SLC25A21: variants seen among roughly 807,000 people sequenced by gnomAD.
SLC25A21 encodes the protein mitochondrial 2-oxodicarboxylate carrier.
Under a neutral mutation model 43.8 loss-of-function variants are expected in SLC25A21, and 47 were observed. The observed-to-expected ratio is 1.07, with a 90% confidence interval of 0.85 to 1.37. SLC25A21 has a LOEUF of 1.37. Among genes scored for constraint, SLC25A21 ranks in the 40% most tolerant of loss-of-function variants. The pLI is 0.00. For missense variants in SLC25A21, 352 were observed against 350.2 expected (o/e 1.00, Z -0.04); for synonymous variants, 131 against 121.3 (o/e 1.08, Z -0.52).
intron 1 of SLC25A21, among the ~76,000 whole-genome samples, chr14:36,959,688 A>G (rs1367385872): frequency 6.6e-6 from 1 of 152,226 alleles, no homozygotes; most frequent in African/African-American, 2.4e-5. Context: ...TCCTGAATCT[A>G]GATTCCACAA....
In SLC25A21 at chr14:37,104,238, G is replaced by A. The variant is rs141327288; in HGVS notation, c.70+68043C>T. On this transcript the variant is annotated intron_variant, in intron 1 of 9. Transcript: ENST00000331299. ...GTGCCCTTATAACAGGGGCTCAAGGGAGCTTGTTCACCCCTTCCATGTGAG... is the reference window on the plus strand; with the variant it reads ...GTGCCCTTATAACAGGGGCTCAAGGAAGCTTGTTCACCCCTTCCATGTGAG... 3.1e-3 allele frequency among the ~76,000 whole-genome samples: 471 copies of A among 152,266 alleles called. 1 individual carries two copies. Among genetic ancestry groups the A allele is most frequent in the African/African-American group, 0.011 (438 of 41,552 alleles).
At chr14:36,755,406 C>G (rs2139267723) in intron 3 of SLC25A21, among the ~76,000 whole-genome samples, 1 of 152,324 alleles carries the variant, frequency 6.6e-6, no homozygotes, top group Middle Eastern at 3.4e-3. Flanking sequence ...TGTGCACACA[C>G]ATATACACAC....
chr14:36,735,921 C>T (rs538387485), intron 3 of SLC25A21, among the ~76,000 whole-genome samples: 1 of 135,348 alleles, frequency 7.4e-6, no homozygotes, highest in Admixed American at 7.7e-5. Flanking sequence ...TGGGCTTATT[C>T]TGGCCACAAT....
chr14:36,971,037 A>G (rs1959737489), intron 1 of SLC25A21, among the ~76,000 whole-genome samples: 1 of 152,214 alleles, frequency 6.6e-6, no homozygotes, highest in Non-Finnish European at 1.5e-5. Context: ...GGAGATAAAT[A>G]AGCAAATAAA....
At chr14:37,163,745 G>A (rs552220621) in intron 1 of SLC25A21, among the ~76,000 whole-genome samples, 1 of 152,220 alleles carries the variant, frequency 6.6e-6, no homozygotes, top group Admixed American at 6.5e-5. Context: ...TACAGGAAGA[G>A]AGAAGGAATA....
chr14:37,116,302 G>A (rs949916300), intron 1 of SLC25A21, among the ~76,000 whole-genome samples: 3 of 151,998 alleles, frequency 2.0e-5, no homozygotes, highest in African/African-American at 7.2e-5. Context: ...TCTTTCACTG[G>A]CCTCTTCTCA....
At chr14:36,739,081 A>C (rs1308698607) in intron 3 of SLC25A21, among the ~76,000 whole-genome samples, 1 of 152,214 alleles carries the variant, frequency 6.6e-6, no homozygotes, top group South Asian at 2.1e-4. Context: ...TTTTTAAAAC[A>C]ACTATTTTAA....
At chr14:36,888,742 T>G in intron 1 of SLC25A21, among the ~76,000 whole-genome samples, 1 of 152,152 alleles carries the variant, frequency 6.6e-6, no homozygotes, top group East Asian at 1.9e-4. Context: ...CAAATACACA[T>G]CATCTTACTA....
intron 1 of SLC25A21, among the ~76,000 whole-genome samples, chr14:36,938,015 AT>A (rs1177254267): frequency 5.9e-5 from 9 of 151,962 alleles, no homozygotes; most frequent in African/African-American, 9.7e-5. Context: ...TTAAAAAAAA[AT>A]TTTTTTTAAT....
At chr14:36,689,621 GAGTCC>G (rs1882709005) in intron 7 of SLC25A21, among the ~76,000 whole-genome samples, 1 of 152,134 alleles carries the variant, frequency 6.6e-6, no homozygotes, top group Non-Finnish European at 1.5e-5. Flanking sequence ...TCCTGCTCTG[GAGTCC>G]AGTTACTCAC....
chr14:36,840,225 A>G (rs1889343834), intron 2 of SLC25A21, among the ~76,000 whole-genome samples: 1 of 151,958 alleles, frequency 6.6e-6, no homozygotes. Flanking sequence ...TTTTTTAAAC[A>G]GTATTATTTT....
intron 1 of SLC25A21, among the ~76,000 whole-genome samples, chr14:36,918,731 T>A (rs985617899): frequency 5.9e-5 from 9 of 151,792 alleles, no homozygotes; most frequent in African/African-American, 1.9e-4. Context: ...ACTATAAAAA[T>A]AGAAAAAAAT....
intron 1 of SLC25A21, among the ~76,000 whole-genome samples, chr14:37,144,955 GTT>G (rs774616408): frequency 7.5e-6 from 1 of 133,078 alleles, no homozygotes; most frequent in African/African-American, 2.7e-5. Flanking sequence ...TGTTGTTGTT[GTT>G]TGTTTGTTTT....
chr14:36,797,026 T>C (rs1260124750), intron 3 of SLC25A21, among the ~76,000 whole-genome samples: 2 of 151,870 alleles, frequency 1.3e-5, no homozygotes, highest in Non-Finnish European at 2.9e-5. Flanking sequence ...GGTGGAGGAG[T>C]GTGGGAAAGT....
intron 1 of SLC25A21, among the ~76,000 whole-genome samples, chr14:36,971,701 CAT>C (rs1418131641): frequency 4.6e-5 from 7 of 152,232 alleles, no homozygotes; most frequent in African/African-American, 1.2e-4. Context: ...AACCCACCCA[CAT>C]GTGTCCATGT....
At chr14:36,956,844 A>G (rs1403358523) in intron 1 of SLC25A21, among the ~76,000 whole-genome samples, 1 of 152,228 alleles carries the variant, frequency 6.6e-6, no homozygotes. Context: ...AAAAAGAGAT[A>G]CATTCATTTA....
rs2022724 is a variant in SLC25A21, at chr14:37,023,004, G to A, written c.71-148000C>T. The stretch of plus-strand genomic sequence containing the variant: ...ATGACCGTCCATTTCAGGTAATTTC[G>A]TATAGGGTCCATTGCCTTCTGCAGG... On this transcript the variant is annotated intron_variant, in intron 1 of 9. Coordinates refer to ENST00000331299, the MANE Select transcript of SLC25A21 (RefSeq NM_030631.4). 4.0e-5 allele frequency among the ~76,000 whole-genome samples: 6 copies of A among 151,762 alleles called. No homozygotes were observed. In the South Asian group the frequency reaches 6.2e-4, roughly 16 times the overall value.
At chr14:37,087,908 G>A (rs1962515947) in intron 1 of SLC25A21, among the ~76,000 whole-genome samples, 1 of 152,260 alleles carries the variant, frequency 6.6e-6, no homozygotes, top group African/African-American at 2.4e-5. Context: ...GAGTGAGTGG[G>A]TACATCAAGC....
intron 1 of SLC25A21, among the ~76,000 whole-genome samples, chr14:37,046,515 T>A (rs1961590247): frequency 6.6e-6 from 1 of 152,202 alleles, no homozygotes; most frequent in Non-Finnish European, 1.5e-5. Context: ...TGATTTGATT[T>A]GGAAATTTTG....
Sources: allele counts gnomAD v4.1 joint callset (sites outside exome capture counted in the v4.1 genomes callset), GRCh38; gene constraint gnomAD v4.1.1; transcripts MANE v1.5; gene names NCBI Gene and HGNC (gene_info 2026-07-23, HGNC 2026-07-21).